Variants in GPC5 observed in about 807,000 individuals in gnomAD.
GPC5 encodes the protein glypican-5.
In GPC5, 47 loss-of-function variants were observed where a neutral mutation model predicts 53.9. The ratio of observed to expected loss-of-function variants is 0.87; its 90% CI spans 0.69 to 1.11. The LOEUF (loss-of-function observed/expected upper bound fraction) is 1.11. Among genes scored for constraint, GPC5 ranks in the 50% most tolerant of loss-of-function variants. The pLI is 0.00. For missense variants in GPC5, 748 were observed against 713.1 expected (o/e 1.05, Z -0.56); for synonymous variants, 286 against 263.3 (o/e 1.09, Z -0.84).
At chr13:92,691,558 A>G in intron 7 of GPC5, among the ~76,000 whole-genome samples, 1 of 151,990 alleles carries the variant, frequency 6.6e-6, no homozygotes, top group Non-Finnish European at 1.5e-5. Flanking sequence ...TGTAGACCGG[A>G]GCTGTTCCTA....
intron 6 of GPC5, among the ~76,000 whole-genome samples, chr13:91,924,796 T>C (rs1444191035): frequency 6.6e-6 from 1 of 151,958 alleles, no homozygotes; most frequent in Non-Finnish European, 1.5e-5. Flanking sequence ...TCTGACATTT[T>C]AAAATGTATA....
intron 6 of GPC5, among the ~76,000 whole-genome samples, chr13:91,926,604 A>C (rs573808769): frequency 6.6e-6 from 1 of 152,252 alleles, no homozygotes; most frequent in East Asian, 1.9e-4. Flanking sequence ...CTGCCTGTGC[A>C]AAAACATGCC....
chr13:92,096,734 A>G (rs1389817910), intron 6 of GPC5, among the ~76,000 whole-genome samples: 1 of 152,188 alleles, frequency 6.6e-6, no homozygotes, highest in Non-Finnish European at 1.5e-5. Flanking sequence ...TTTAACAGAC[A>G]CCATGTTGGT....
chr13:91,911,244 A>G (rs1338267494), intron 6 of GPC5, among the ~76,000 whole-genome samples: 1 of 152,128 alleles, frequency 6.6e-6, no homozygotes, highest in Non-Finnish European at 1.5e-5. Context: ...AGTCATTTAA[A>G]AACTGTAAGC....
At chr13:92,348,192 A>C (rs1446276419) in intron 7 of GPC5, among the ~76,000 whole-genome samples, 1 of 151,222 alleles carries the variant, frequency 6.6e-6, no homozygotes, top group Non-Finnish European at 1.5e-5. Flanking sequence ...GAAAGGATAA[A>C]AAAGCCCCAA....
intron 7 of GPC5, among the ~76,000 whole-genome samples, chr13:92,515,356 C>T (rs1346909495): frequency 6.6e-6 from 1 of 152,036 alleles, no homozygotes; most frequent in African/African-American, 2.4e-5. Context: ...AGTAAAGATA[C>T]CTGGAAGACT....
chr13:91,726,481 G>A (rs947087343), intron 3 of GPC5, among the ~76,000 whole-genome samples: 5 of 152,108 alleles, frequency 3.3e-5, no homozygotes, highest in African/African-American at 1.2e-4. Context: ...GGCATTTAAA[G>A]CCCTCCAAAA....
intron 2 of GPC5, among the ~76,000 whole-genome samples, chr13:91,663,478 G>A (rs1173227820): frequency 6.6e-6 from 1 of 151,956 alleles, no homozygotes; most frequent in Non-Finnish European, 1.5e-5. Context: ...TCTTTTTAGA[G>A]ACAGGGTCTC....
intron 1 of GPC5, among the ~76,000 whole-genome samples, chr13:91,433,134 G>C (rs1266637647): frequency 6.6e-6 from 1 of 151,434 alleles, no homozygotes; most frequent in Non-Finnish European, 1.5e-5. Flanking sequence ...TAAAACACTT[G>C]AATAAACCAT....
At chr13:92,044,152 G>GA in intron 6 of GPC5, among the ~76,000 whole-genome samples, 1 of 152,256 alleles carries the variant, frequency 6.6e-6, no homozygotes, top group Admixed American at 6.5e-5. Context: ...TCCTGTACCA[G>GA]AAAATCTATA....
At chr13:91,463,262 G>A (rs1157377321) in intron 2 of GPC5, among the ~76,000 whole-genome samples, 2 of 152,140 alleles carry the variant, frequency 1.3e-5, no homozygotes, top group Admixed American at 6.6e-5. Context: ...AGTATTTGGT[G>A]TGTGGCAAAT....
intron 7 of GPC5, among the ~76,000 whole-genome samples, chr13:92,656,169 A>T (rs1336806864): frequency 2.6e-5 from 4 of 152,214 alleles, no homozygotes; most frequent in African/African-American, 9.6e-5. Flanking sequence ...TGTTGTTTAG[A>T]AAACAGCACA....
At chr13:92,013,163 C>T (rs1308609380) in intron 6 of GPC5, among the ~76,000 whole-genome samples, 3 of 152,180 alleles carry the variant, frequency 2.0e-5, no homozygotes, top group Non-Finnish European at 2.9e-5. Flanking sequence ...TTTTTGGATA[C>T]CTGCAATTGG....
At chr13:91,648,241 T>C (rs2034609148) in intron 2 of GPC5, among the ~76,000 whole-genome samples, 1 of 152,204 alleles carries the variant, frequency 6.6e-6, no homozygotes, top group African/African-American at 2.4e-5. Context: ...TCAGGCATGA[T>C]CCTAGACACT....
At chr13:91,797,759 G>A (rs186328991) in intron 5 of GPC5, among the ~76,000 whole-genome samples, 64 of 152,246 alleles carry the variant, frequency 4.2e-4, no homozygotes, top group African/African-American at 1.4e-3. Flanking sequence ...AAACTGTGAC[G>A]GTGAGGCAGA....
Position 91,934,107 on chromosome 13 carries a change from G to A in GPC5, c.1401+26050G>A, listed in dbSNP as rs558704730. ...TATTAAGGAATTTATTTTTAAAAGT[G>A]ACAAAAGCCACTTTTATGAAGTGGC... On this transcript the variant is annotated intron_variant, in intron 6 of 7. Transcript: ENST00000377067. Among the ~76,000 whole-genome samples the A allele has an allele frequency of 6.8e-4, 103 of 151,842 alleles. No individual in the cohort carries two copies. In the Middle Eastern group the frequency reaches 0.017, roughly 25 times the overall value.
intron 2 of GPC5, among the ~76,000 whole-genome samples, chr13:91,578,659 T>C (rs376996077): frequency 8.0e-4 from 65 of 80,760 alleles, no homozygotes; most frequent in African/African-American, 3.2e-3. Flanking sequence ...TGGTCTTTAC[T>C]GTGATTTTTG....
chr13:91,399,112 C>T lies in GPC5; in HGVS notation c.66C>T (p.Ala22=), dbSNP rs1876707894. The change falls in exon 1 of 8, where the codon GCC becomes GCT. Residue 22 remains alanine (A), a synonymous_variant. Coordinates refer to ENST00000377067, the MANE Select transcript of GPC5 (RefSeq NM_004466.6). ...CLLLLALVGS[A]RSEGVQTCEE... ...TCCTTCTGGCCCTGGTTGGGTCCGCCCGCAGCGAGGGCGTGCAGACCTGCG... is the reference window on the plus strand; with the variant it reads ...TCCTTCTGGCCCTGGTTGGGTCCGCTCGCAGCGAGGGCGTGCAGACCTGCG... 1 of 1,606,914 alleles carries T rather than the reference C, an allele frequency of 6.2e-7. No individual in the cohort carries two copies. The highest frequency in any genetic ancestry group is 8.5e-7 in the Non-Finnish European group (1 of 1,177,072).
chr13:91,724,158 A>T (rs1449517880), intron 3 of GPC5, among the ~76,000 whole-genome samples: 1 of 152,222 alleles, frequency 6.6e-6, no homozygotes, highest in Non-Finnish European at 1.5e-5. Flanking sequence ...ACAGTTTAAA[A>T]TTAGCTTTTA....
Sources: gnomAD v4.1 joint callset for allele counts (sites outside exome capture counted in the v4.1 genomes callset) on GRCh38, gnomAD v4.1.1 for gene constraint, MANE v1.5 for transcripts, NCBI Gene and HGNC (gene_info 2026-07-23, HGNC 2026-07-21) for gene names.